CACNA1E: variants seen among roughly 807,000 people sequenced by gnomAD.
The protein encoded by CACNA1E is voltage-dependent R-type calcium channel subunit alpha-1E.
A neutral mutation model predicts 259.2 loss-of-function variants in CACNA1E; 40 were observed. The observed-to-expected ratio is 0.15, with a 90% confidence interval of 0.12 to 0.20. The LOEUF is 0.20. CACNA1E is among the 10% of genes least tolerant of loss of function. The pLI is 1.00. For synonymous variants in CACNA1E, 1,104 were observed against 1,138.5 expected, an observed-to-expected ratio of 0.97 and a Z score of 0.61; for missense variants, 1,874 against 3,040.1, an observed-to-expected ratio of 0.62 and a Z score of 9.02.
chr1:181,567,181 A>C (rs1649926710), intron 3 of CACNA1E, among the ~76,000 whole-genome samples: 1 of 152,118 alleles, frequency 6.6e-6, no homozygotes. Flanking sequence ...GATTTTTCTG[A>C]AATTTAATTA....
upstream of CACNA1E, among the ~76,000 whole-genome samples, chr1:181,479,627 G>A (rs567398417): frequency 6.6e-6 from 1 of 152,302 alleles, no homozygotes; most frequent in East Asian, 1.9e-4. Context: ...AGGGCATGGT[G>A]CCAGGAACAC....
chr1:181,356,865 C>A (rs1653483921), intron 1 of CACNA1E, among the ~76,000 whole-genome samples: 1 of 152,108 alleles, frequency 6.6e-6, no homozygotes, highest in South Asian at 2.1e-4. Context: ...CTGGTAGGAG[C>A]TTTTAGAGTA....
chr1:181,793,200 G>A (rs545382368), intron 44 of CACNA1E, among the ~76,000 whole-genome samples: 29 of 152,280 alleles, frequency 1.9e-4, no homozygotes, highest in African/African-American at 5.8e-4. Flanking sequence ...TTAACGTCAC[G>A]TGTCTTAAGG....
At chr1:181,441,341 G>A (rs186203021) in intron 2 of CACNA1E, among the ~76,000 whole-genome samples, 1 of 152,228 alleles carries the variant, frequency 6.6e-6, no homozygotes, top group Non-Finnish European at 1.5e-5. Flanking sequence ...TAGTAGAGAC[G>A]GGGTTTCCCC....
In CACNA1E at chr1:181,441,022, G is replaced by T. The variant is rs1342401631; in HGVS notation, c.434+27442G>T. ...AAAAAAAAAAAAAAAAAAAAAAAGCGCCCAGCTCTTCCCAAAGTCTGGAAA... is the reference window on the plus strand; with the variant it reads ...AAAAAAAAAAAAAAAAAAAAAAAGCTCCCAGCTCTTCCCAAAGTCTGGAAA... On this transcript the variant is annotated intron_variant, in intron 2 of 11. Transcript: ENST00000524607. 5.1e-5 allele frequency among the ~76,000 whole-genome samples: 5 copies of T among 97,834 alleles called. 1 individual carries two copies. The highest frequency in any genetic ancestry group is 1.1e-4 in the Admixed American group (1 of 9,136). 64.2% of individuals were successfully genotyped at this position (97,834 alleles called of 152,430 possible).
At chr1:181,525,980 C>T (rs1667329957) in intron 3 of CACNA1E, among the ~76,000 whole-genome samples, 1 of 152,130 alleles carries the variant, frequency 6.6e-6, no homozygotes, top group Non-Finnish European at 1.5e-5. Context: ...CCAAATTTTT[C>T]AGCCTCCTTG....
intron 3 of CACNA1E, among the ~76,000 whole-genome samples, chr1:181,527,744 C>T (rs1226637085): frequency 2.0e-5 from 3 of 152,138 alleles, no homozygotes; most frequent in Non-Finnish European, 4.4e-5. Flanking sequence ...CCCATGCCTT[C>T]CTACTTATAT....
intron 1 of CACNA1E, among the ~76,000 whole-genome samples, chr1:181,334,692 C>T (rs1490525256): frequency 6.6e-6 from 1 of 152,184 alleles, no homozygotes; most frequent in Non-Finnish European, 1.5e-5. Context: ...CCACTGCTAC[C>T]AGCCTGGTTC....
At chr1:181,566,376 A>C (rs1304144861) in intron 3 of CACNA1E, among the ~76,000 whole-genome samples, 1 of 152,164 alleles carries the variant, frequency 6.6e-6, no homozygotes, top group East Asian at 1.9e-4. Context: ...CAACAATAAG[A>C]AATGTTTCTT....
intron 6 of CACNA1E, among the ~76,000 whole-genome samples, chr1:181,650,726 T>G (rs559792061): frequency 6.6e-6 from 1 of 152,308 alleles, no homozygotes; most frequent in South Asian, 2.1e-4. Flanking sequence ...TCACTGAGTG[T>G]TAACATTAGA....
intron 1 of CACNA1E, among the ~76,000 whole-genome samples, chr1:181,501,870 G>T (rs1324115684): frequency 1.3e-5 from 2 of 152,112 alleles, no homozygotes; most frequent in Admixed American, 6.5e-5. Flanking sequence ...AAAAACTGAT[G>T]TTAAGGCTGG....
At chr1:181,791,913 A>G (rs1661350384) in intron 44 of CACNA1E, among the ~76,000 whole-genome samples, 1 of 152,208 alleles carries the variant, frequency 6.6e-6, no homozygotes, top group East Asian at 1.9e-4. Flanking sequence ...TCAGTAGCTC[A>G]AACAAATGCG....
At chr1:181,639,413 C>T (rs1382780830) in intron 6 of CACNA1E, among the ~76,000 whole-genome samples, 1 of 152,184 alleles carries the variant, frequency 6.6e-6, no homozygotes, top group Non-Finnish European at 1.5e-5. Context: ...AAGTGGAAAC[C>T]ATTATTATTT....
In CACNA1E at chr1:181,755,341, C is replaced by A; in HGVS notation, c.3933C>A (p.Phe1311Leu). Residue 1311 changes from phenylalanine (F) to leucine (L), a missense_variant, in exon 28 of 48, where the codon TTC becomes TTA. By Grantham distance (22) the Phe-to-Leu change is conservative. Coordinates refer to ENST00000367573, the MANE Select transcript of CACNA1E (RefSeq NM_001205293.3). The stretch of plus-strand genomic sequence containing the variant: ...TTGCTGTCATCGCAGTTCAGCTCTT[C>A]AAGGGAAAGTTCTTTTATTGCACGG... ...FIFAVIAVQLFKGKFFYCTDS... is the reference protein window; with the variant it reads ...FIFAVIAVQLLKGKFFYCTDS... 1 of 1,613,902 alleles carries A rather than the reference C, an allele frequency of 6.2e-7. No individual in the cohort carries two copies. The highest frequency in any genetic ancestry group is 1.1e-5 in the South Asian group (1 of 91,088).
chr1:181,629,306 G>A (rs1247356301), intron 6 of CACNA1E, among the ~76,000 whole-genome samples: 1 of 152,166 alleles, frequency 6.6e-6, no homozygotes, highest in Non-Finnish European at 1.5e-5. Context: ...GTGGGGAAAA[G>A]TTGTTTGCAA....
intron 1 of CACNA1E, among the ~76,000 whole-genome samples, chr1:181,496,448 C>T (rs1332473299): frequency 6.6e-6 from 1 of 152,164 alleles, no homozygotes; most frequent in African/African-American, 2.4e-5. Flanking sequence ...GATTTTCTTC[C>T]TGGGGGTTGC....
In CACNA1E at chr1:181,589,227, A is replaced by G. The variant is rs115537542; in HGVS notation, c.951+8451A>G. 4.5e-3 allele frequency among the ~76,000 whole-genome samples: 691 copies of G among 152,290 alleles called. 1 individual carries two copies. Among genetic ancestry groups the G allele is most frequent in the African/African-American group, 0.014 (590 of 41,566 alleles). ...GTTTGAGAACCACTGTTCTACATCA[A>G]TGTAATTGCCAGGCAGTAAGAGGGT... On this transcript the variant is annotated intron_variant, in intron 6 of 47. Transcript: ENST00000367573.
chr1:181,619,456 G>C (rs1218311322), intron 6 of CACNA1E, among the ~76,000 whole-genome samples: 1 of 152,160 alleles, frequency 6.6e-6, no homozygotes, highest in Admixed American at 6.5e-5. Flanking sequence ...AATCCTGTAG[G>C]TCATGATGAG....
intron 7 of CACNA1E, among the ~76,000 whole-genome samples, chr1:181,703,040 C>T (rs559526143): frequency 6.6e-6 from 1 of 152,262 alleles, no homozygotes; most frequent in African/African-American, 2.4e-5. Context: ...TCAAGCCATC[C>T]TCCTTCCTCT....
Sources: allele counts gnomAD v4.1 joint callset (sites outside exome capture counted in the v4.1 genomes callset), GRCh38; gene constraint gnomAD v4.1.1; transcripts MANE v1.5; gene names NCBI Gene and HGNC (gene_info 2026-07-23, HGNC 2026-07-21).